The following BRD3 variants were observed in gnomAD, a reference collection of about 807,000 sequenced individuals.
BRD3 encodes the protein bromodomain containing 3, also known as bromodomain-containing protein 3.
A neutral mutation model predicts 66.8 loss-of-function variants in BRD3; 17 were observed. That is an observed-to-expected ratio of 0.25 (90% CI 0.17 to 0.38). The LOEUF is 0.38. BRD3 is among the 10% of genes least tolerant of loss of function. The pLI is 1.00. For synonymous variants in BRD3, 421 were observed against 393.2 expected, an observed-to-expected ratio of 1.07 and a Z score of -0.84; for missense variants, 713 against 956.1, an observed-to-expected ratio of 0.75 and a Z score of 3.35.
At position 134,034,713 on chromosome 9, in the gene BRD3, G is replaced by A. The variant is rs745469027; in HGVS notation, c.2053C>T (p.Pro685Ser). 6.2e-7 allele frequency: 1 copy of A among 1,605,552 alleles called. No individual in the cohort carries two copies. The highest frequency in any genetic ancestry group is 2.2e-5 in the East Asian group (1 of 44,880). Residue 685 changes from proline (P) to serine (S), a missense_variant, in exon 11 of 12, where the codon CCC (proline) becomes TCC (serine). Physicochemically the swap from Pro to Ser is moderately conservative, Grantham distance 74. Coordinates refer to ENST00000303407, the MANE Select transcript of BRD3 (RefSeq NM_007371.4). ...CCGCCAGCGGTACCTTTCCGGGCGG[G>A]CTTCTTGCTGCTGCTCAGCTGCCCG... ...VSGQLSSSKK[P>S]ARKEKPGSAP...
rs751395448 is a variant in BRD3 at position 134,050,384 on chromosome 9, G to C, written c.704C>G (p.Pro235Arg). The C allele has an allele frequency of 6.2e-7, 1 of 1,611,170 alleles. No individual in the cohort carries two copies. Among genetic ancestry groups the C allele is most frequent in the Non-Finnish European group, 8.5e-7 (1 of 1,179,644 alleles). ...ACTCAGGGTGCTCACCTTGACGACA[G>C]GCGGCGTAGGAGGGACCACGGGGAC... ...PIVPVVPPTP[P>R]VVKKKGVKRK... The change falls in exon 5 of 12, where the codon CCT (proline) becomes CGT (arginine). Residue 235 changes from proline (P) to arginine (R), a missense_variant. Physicochemically the swap from Pro to Arg is moderately radical, Grantham distance 103. This residue lies in a region of BRD3 where 418 missense variants were observed against 609.3 expected (regional missense o/e 0.69). Coordinates refer to ENST00000303407, the MANE Select transcript of BRD3 (RefSeq NM_007371.4).
chr9:134,053,113 C>G, intron 2 of BRD3, 152 bp downstream of exon 2: 1 of 862,382 alleles, frequency 1.2e-6, no homozygotes, highest in South Asian at 1.6e-5. Flanking sequence ...CTGTGCGCCT[C>G]TGTGCTGTGG....
chr9:134,068,214 G>A (rs1277011625), upstream of BRD3: 1 of 145,680 alleles, frequency 6.9e-6, no homozygotes, highest in African/African-American at 2.5e-5. Flanking sequence ...CCGGCCGAGA[G>A]CGGGCCTGGC....
intron 7 of BRD3, among the ~76,000 whole-genome samples, chr9:134,042,545 G>A (rs1830072378): frequency 6.6e-6 from 1 of 152,018 alleles, no homozygotes; most frequent in African/African-American, 2.4e-5. Flanking sequence ...GCTGCGATGG[G>A]TGGATTGCTT....
chr9:134,050,325 A>C (rs937281339), intron 5 of BRD3, 49 bp downstream of exon 5: 1 of 1,561,492 alleles, frequency 6.4e-7, no homozygotes. Flanking sequence ...GACCTCAGGA[A>C]CCCTGGCCGG....
intron 3 of BRD3, 134 bp downstream of exon 3, chr9:134,052,172 T>C: frequency 1.7e-6 from 2 of 1,146,124 alleles, no homozygotes; most frequent in Non-Finnish European, 2.4e-6. Flanking sequence ...GGATTACAGG[T>C]GTGAGCCACG....
rs769489754 is a variant in BRD3, at chr9:134,042,700, CACAT to C, written c.1216-753_1216-750del. On this transcript the variant is annotated intron_variant, in intron 7 of 11. Coordinates refer to ENST00000303407, the MANE Select transcript of BRD3 (RefSeq NM_007371.4). ...ATATACACACACACACATATACACA[CACAT>C]ATATATACACATATATACACATATA... Among the ~76,000 whole-genome samples, 191 of 87,392 alleles carry C rather than the reference CACAT, an allele frequency of 2.2e-3. 1 individual carries two copies. Among genetic ancestry groups the C allele is most frequent in the East Asian group, 5.1e-3 (4 of 784 alleles). 57.3% of individuals were successfully genotyped at this position (87,392 alleles called of 152,430 possible). A position where few individuals can be genotyped will look rare whatever the true frequency, so the allele number is the denominator to read the frequency against.
intron 1 of BRD3, among the ~76,000 whole-genome samples, chr9:134,067,514 T>A (rs1488448406): frequency 6.8e-6 from 1 of 147,966 alleles, no homozygotes. Context: ...GCGTCCTCCC[T>A]GGGTTCCCCC....
chr9:134,040,812 C>T (rs1027676502), intron 8 of BRD3, among the ~76,000 whole-genome samples: 1 of 152,220 alleles, frequency 6.6e-6, no homozygotes. Flanking sequence ...CGCAGGACTC[C>T]GGGGTTAAAA....
chr9:134,042,638 A>AAT (rs200165951), intron 7 of BRD3, among the ~76,000 whole-genome samples: 27 of 120,482 alleles, frequency 2.2e-4, no homozygotes, highest in African/African-American at 7.9e-4. Context: ...CCCTGCCTCA[A>AAT]ATATATATAC....
At chr9:134,034,444 C>T in intron 11 of BRD3, 2 of 479,918 alleles carry the variant, frequency 4.2e-6, no homozygotes, top group Non-Finnish European at 7.4e-6. Context: ...CCTGGGGGGT[C>T]CTCTGTCTGT....
intron 6 of BRD3, 77 bp downstream of exon 6, chr9:134,048,006 A>G: frequency 4.8e-6 from 7 of 1,447,912 alleles, no homozygotes; most frequent in Non-Finnish European, 5.5e-6. Context: ...GCCCCCACTC[A>G]GCCGGCACAA....
chr9:134,060,907 G>A (rs950190240), intron 1 of BRD3, among the ~76,000 whole-genome samples: 8 of 152,212 alleles, frequency 5.3e-5, no homozygotes, highest in Non-Finnish European at 1.0e-4. Context: ...TAGGGCACAG[G>A]AGGACCTGAA....
In BRD3 at chr9:134,033,843, T is replaced by C. The variant is rs1843555854; in HGVS notation, c.2066-138A>G. The C allele has an allele frequency of 1.7e-6, 1 of 584,770 alleles. No individual in the cohort carries two copies. The highest frequency in any genetic ancestry group is 3.1e-6 in the Non-Finnish European group (1 of 326,924). 36.2% of individuals were successfully genotyped at this position (584,770 alleles called of 1,614,324 possible). A position where few individuals can be genotyped will look rare whatever the true frequency, so the allele number is the denominator to read the frequency against. ...CTTCCTGACCCAGTCGTTTAATAAG[T>C]ATTTATTGAAATTAATCAGGTCAAC... On this transcript the variant is annotated intron_variant, in intron 11 of 11. Coordinates refer to ENST00000303407, the MANE Select transcript of BRD3 (RefSeq NM_007371.4). The surrounding 1 kb of genome is among the most constrained non-coding windows in gnomAD (Gnocchi z 5.1).
chr9:134,067,961 G>C lies in BRD3; in HGVS notation c.-130C>G, dbSNP rs1296673564. On this transcript the variant is annotated 5_prime_UTR_variant, in exon 1 of 12. Coordinates refer to ENST00000303407, the MANE Select transcript of BRD3 (RefSeq NM_007371.4). ...AAGGCGTACTTGGCCTCGCGGCTCCGGCGGCCGTCCCCTCCCGGCCCGCGC... is the reference window on the plus strand; with the variant it reads ...AAGGCGTACTTGGCCTCGCGGCTCCCGCGGCCGTCCCCTCCCGGCCCGCGC... The C allele has an allele frequency of 6.9e-6, 1 of 145,694 alleles. No individual in the cohort carries two copies. Among genetic ancestry groups the C allele is most frequent in the Non-Finnish European group, 1.5e-5 (1 of 65,348 alleles). The allele number at this position is 145,694 out of a possible 1,614,324, so 9.0% of individuals were successfully genotyped here.
At chr9:134,051,730 G>C in intron 3 of BRD3, 21 bp from the exon 4 acceptor site, 1 of 1,581,972 alleles carries the variant, frequency 6.3e-7, no homozygotes, top group African/African-American at 1.4e-5. Flanking sequence ...AGAGAGTCCA[G>C]GTCACGTGTC....
rs1830523814 is a variant in BRD3, at chr9:134,060,743, G to C, written c.-113-7153C>G. 2.0e-5 allele frequency among the ~76,000 whole-genome samples: 3 copies of C among 152,200 alleles called. No individual in the cohort carries two copies. In the South Asian group the frequency reaches 6.2e-4, roughly 31 times the overall value. On this transcript the variant is annotated intron_variant, in intron 1 of 11. Coordinates refer to ENST00000303407, the MANE Select transcript of BRD3 (RefSeq NM_007371.4). ...TCATGCCCCATCCAAGAGAGGCTCTGTGCTGGACATGGAAGGAATGTTGGT... is the reference window on the plus strand; with the variant it reads ...TCATGCCCCATCCAAGAGAGGCTCTCTGCTGGACATGGAAGGAATGTTGGT...
chr9:134,045,287 G>A lies in BRD3; in HGVS notation c.1215+6C>T, dbSNP rs1165817965. On this transcript the variant is annotated splice_donor_region_variant and intron_variant, in intron 7 of 11. Transcript: ENST00000303407. This position sits in a 1 kb window ranked among gnomAD's most constrained non-coding sequence, Gnocchi z 4.8. Reference sequence around the variant, plus strand: ...GCAGCCCCACCCGTGCCCAGCCTCGGGTTACCTGGAGCTTCCGGGCCATGG... The same window carrying A: ...GCAGCCCCACCCGTGCCCAGCCTCGAGTTACCTGGAGCTTCCGGGCCATGG... The A allele has an allele frequency of 1.9e-6, 3 of 1,613,110 alleles. No individual in the cohort carries two copies. The highest frequency in any genetic ancestry group is 2.5e-6 in the Non-Finnish European group (3 of 1,179,970).
intron 1 of BRD3, chr9:134,056,601 G>A (rs542370480): frequency 3.2e-3 from 487 of 152,604 alleles, no homozygotes; most frequent in Non-Finnish European, 4.8e-3. Flanking sequence ...AGGGAGGGCA[G>A]CCAGAGGGCA....
Sources: gnomAD v4.1 joint callset for allele counts (sites outside exome capture counted in the v4.1 genomes callset) on GRCh38, gnomAD v4.1.1 for gene constraint, gnomAD v4.1.1 regional missense constraint, Gnocchi (gnomAD v3.1) non-coding constraint, MANE v1.5 for transcripts, NCBI Gene and HGNC (gene_info 2026-07-23, HGNC 2026-07-21) for gene names.